Variants in RAPGEF2 observed in about 807,000 individuals in gnomAD.
The protein encoded by RAPGEF2 is Rap guanine nucleotide exchange factor 2, also known as PDZ domain containing guanine nucleotide exchange factor (GEF) 1.
A neutral mutation model predicts 186.7 loss-of-function variants in RAPGEF2; 54 were observed. The observed-to-expected ratio is 0.29, with a 90% CI of 0.23 to 0.36. RAPGEF2 has a LOEUF of 0.36. Among genes scored for constraint, RAPGEF2 ranks in the 10% least tolerant of loss-of-function variants. The probability of loss-of-function intolerance (pLI) is 1.00; values close to 1 mark genes in which losing one functional copy is unlikely to be tolerated. For synonymous variants in RAPGEF2, 712 were observed against 705.9 expected, an observed-to-expected ratio of 1.01 and a Z score of -0.14; for missense variants, 1,532 against 2,045.0, an observed-to-expected ratio of 0.75 and a Z score of 4.84.
Position 159,358,169 on chromosome 4 carries a change from C to A in RAPGEF2, c.*30C>A. ...CAGACTTTTCTGGAAGCAGAGCGAGCCACCTGAAAGGAGAGCACAAGAAGA... is the reference window on the plus strand; with the variant it reads ...CAGACTTTTCTGGAAGCAGAGCGAGACACCTGAAAGGAGAGCACAAGAAGA... On this transcript the variant is annotated 3_prime_UTR_variant, in exon 30 of 30. Coordinates refer to ENST00000691494, the MANE Select transcript of RAPGEF2 (RefSeq NM_001394067.2). The A allele has an allele frequency of 6.2e-7, 1 of 1,606,340 alleles. No individual in the cohort carries two copies. The highest frequency in any genetic ancestry group is 8.5e-7 in the Non-Finnish European group (1 of 1,175,166).
chr4:159,353,359 A>T lies in RAPGEF2; in HGVS notation c.4092-128A>T. Reference sequence around the variant, plus strand: ...GGCCAATATAAGGCAATTCAGTGCTACTTTTATCCTGTTTCTGGGATGAAA... The same window carrying T: ...GGCCAATATAAGGCAATTCAGTGCTTCTTTTATCCTGTTTCTGGGATGAAA... On this transcript the variant is annotated intron_variant, in intron 27 of 29. Transcript: ENST00000691494. The surrounding 1 kb of genome is among the most constrained non-coding windows in gnomAD (Gnocchi z 4.3). 1.5e-6 allele frequency: 1 copy of T among 681,062 alleles called. No homozygotes were observed. The highest frequency in any genetic ancestry group is 2.2e-6 in the Non-Finnish European group (1 of 452,018). 42.2% of individuals were successfully genotyped at this position (681,062 alleles called of 1,614,324 possible). A position where few individuals can be genotyped will look rare whatever the true frequency, so the allele number is the denominator to read the frequency against.
At chr4:159,269,391 C>T (rs180681853) in intron 7 of RAPGEF2, among the ~76,000 whole-genome samples, 9 of 152,084 alleles carry the variant, frequency 5.9e-5, no homozygotes, top group East Asian at 5.8e-4. Context: ...ATGAGGTCCT[C>T]GTGGTACTTC....
Position 159,358,239 on chromosome 4 carries a change from G to A in RAPGEF2, c.*100G>A. ...TTGGAACTCACATTCTGAGGACGGT[G>A]GACCAGTTTGCCTCCTTCCCTGCCT... On this transcript the variant is annotated 3_prime_UTR_variant, in exon 30 of 30. Coordinates refer to ENST00000691494, the MANE Select transcript of RAPGEF2 (RefSeq NM_001394067.2). 1 of 1,272,376 alleles carries A rather than the reference G, an allele frequency of 7.9e-7. No homozygotes were observed. Among genetic ancestry groups the A allele is most frequent in the Non-Finnish European group, 1.1e-6 (1 of 902,226 alleles). 78.8% of individuals were successfully genotyped at this position (1,272,376 alleles called of 1,614,324 possible).
chr4:159,158,740 C>T (rs1744385091), intron 1 of RAPGEF2, among the ~76,000 whole-genome samples: 1 of 152,092 alleles, frequency 6.6e-6, no homozygotes, highest in Non-Finnish European at 1.5e-5. Context: ...GCAATTTGCT[C>T]AATATTAATT....
chr4:159,334,426 T>G (rs1767119986), intron 17 of RAPGEF2, among the ~76,000 whole-genome samples: 1 of 152,062 alleles, frequency 6.6e-6, no homozygotes, highest in African/African-American at 2.4e-5. Flanking sequence ...TTTTTTTTAT[T>G]TTTAGTAGAG....
chr4:159,249,061 G>A (rs966780384), intron 7 of RAPGEF2, among the ~76,000 whole-genome samples: 17 of 152,248 alleles, frequency 1.1e-4, no homozygotes, highest in East Asian at 7.7e-4. Context: ...TATTTCAAGC[G>A]ATTTATTTGT....
At chr4:159,298,490 T>C (rs1579826518) in intron 7 of RAPGEF2, among the ~76,000 whole-genome samples, 1 of 152,260 alleles carries the variant, frequency 6.6e-6, no homozygotes, top group Admixed American at 6.5e-5. Flanking sequence ...AACTGGTCTT[T>C]AAAATGAGCT....
intron 1 of RAPGEF2, among the ~76,000 whole-genome samples, chr4:159,175,570 C>T (rs750595984): frequency 9.2e-5 from 14 of 152,138 alleles, no homozygotes; most frequent in Non-Finnish European, 1.6e-4. Context: ...TGCCCCTTTT[C>T]GTCAGGGACA....
At chr4:159,350,041 T>C (rs1271720114) in intron 25 of RAPGEF2, 96 bp from the exon 26 acceptor site, 2 of 727,124 alleles carry the variant, frequency 2.8e-6, no homozygotes, top group Admixed American at 3.4e-5. Context: ...AGTGTAATGA[T>C]ATTAAATCTT....
intron 7 of RAPGEF2, among the ~76,000 whole-genome samples, chr4:159,299,532 A>G (rs190464145): frequency 2.6e-5 from 4 of 152,090 alleles, no homozygotes; most frequent in Admixed American, 2.0e-4. Flanking sequence ...ATGCTGCGCT[A>G]TATCAATAAT....
chr4:159,215,373 T>C (rs1433211683), intron 4 of RAPGEF2, among the ~76,000 whole-genome samples: 1 of 151,694 alleles, frequency 6.6e-6, no homozygotes, highest in Admixed American at 6.6e-5. Flanking sequence ...GATGGGGTTC[T>C]TGCTGTGTTG....
At chr4:159,109,800 A>G (rs1486012555) in intron 1 of RAPGEF2, among the ~76,000 whole-genome samples, 1 of 152,230 alleles carries the variant, frequency 6.6e-6, no homozygotes, top group Non-Finnish European at 1.5e-5. Flanking sequence ...ACCTACTGTC[A>G]TATGAGTAGC....
intron 4 of RAPGEF2, among the ~76,000 whole-genome samples, chr4:159,234,051 T>A (rs188291488): frequency 2.4e-4 from 36 of 152,182 alleles, no homozygotes; most frequent in Admixed American, 2.3e-3. Context: ...AAAAGACTGG[T>A]CTAATTTTGA....
At chr4:159,138,294 A>G (rs1268411806) in intron 1 of RAPGEF2, among the ~76,000 whole-genome samples, 1 of 152,232 alleles carries the variant, frequency 6.6e-6, no homozygotes, top group Non-Finnish European at 1.5e-5. Context: ...GCACTGATAT[A>G]GACTATTTTT....
intron 28 of RAPGEF2, among the ~76,000 whole-genome samples, chr4:159,354,740 T>G (rs1370242824): frequency 6.6e-6 from 1 of 152,196 alleles, no homozygotes; most frequent in Admixed American, 6.5e-5. Context: ...TCAAGGAAAT[T>G]TATGCAAAGT....
At chr4:159,345,752 C>G (rs1209798882) in intron 24 of RAPGEF2, among the ~76,000 whole-genome samples, 2 of 152,054 alleles carry the variant, frequency 1.3e-5, no homozygotes, top group South Asian at 2.1e-4. Flanking sequence ...CAGACAACAC[C>G]GAACAACAAA....
At chr4:159,158,269 C>T (rs1744338443) in intron 1 of RAPGEF2, among the ~76,000 whole-genome samples, 1 of 152,182 alleles carries the variant, frequency 6.6e-6, no homozygotes, top group Non-Finnish European at 1.5e-5. Context: ...GATCCTTTAT[C>T]TTTCATTGTT....
At chr4:159,171,610 T>C (rs1745912155) in intron 1 of RAPGEF2, among the ~76,000 whole-genome samples, 1 of 152,214 alleles carries the variant, frequency 6.6e-6, no homozygotes, top group Middle Eastern at 3.2e-3. Flanking sequence ...TGCAAATTTT[T>C]CGTTCTATAC....
At chr4:159,110,470 G>A (rs534058031) in intron 1 of RAPGEF2, among the ~76,000 whole-genome samples, 5 of 152,096 alleles carry the variant, frequency 3.3e-5, no homozygotes, top group South Asian at 2.1e-4. Context: ...CCAGCTACTC[G>A]GGGAGACTGA....
Sources: allele counts gnomAD v4.1 joint callset (sites outside exome capture counted in the v4.1 genomes callset), GRCh38; gene constraint gnomAD v4.1.1; non-coding constraint Gnocchi (gnomAD v3.1); transcripts MANE v1.5; gene names NCBI Gene and HGNC (gene_info 2026-07-23, HGNC 2026-07-21).